The following TYW1B variants were observed in gnomAD, a reference collection of about 807,000 sequenced individuals.
TYW1B encodes the protein tRNA-yW synthesizing protein 1 homolog B.
In TYW1B, 73 loss-of-function variants were observed where a neutral mutation model predicts 86.9. That is an observed-to-expected ratio of 0.84 (90% CI 0.70 to 1.02). The LOEUF is 1.02. TYW1B is among the 50% of genes least tolerant of loss of function. The pLI is 0.00. For missense variants in TYW1B, 637 were observed against 827.4 expected (o/e 0.77, Z 2.82); for synonymous variants, 248 against 292.8 (o/e 0.85, Z 1.56).
chr7:72,606,615 C>CT (rs61510369), intron 13 of TYW1B, among the ~76,000 whole-genome samples: 2 of 148,972 alleles, frequency 1.3e-5, no homozygotes, highest in Non-Finnish European at 3.0e-5. Flanking sequence ...AGGCCCCCCC[C>CT]CCGCCTCCAT....
intron 11 of TYW1B, among the ~76,000 whole-genome samples, chr7:72,646,041 A>C (rs1271698352): frequency 6.1e-5 from 9 of 147,254 alleles, no homozygotes; most frequent in Non-Finnish European, 1.4e-4. Context: ...TCCAAATTTT[A>C]AAAGTCTTTT....
At chr7:72,790,871 C>A (rs1554473259) in intron 6 of TYW1B, among the ~76,000 whole-genome samples, 1 of 152,248 alleles carries the variant, frequency 6.6e-6, no homozygotes. Flanking sequence ...TCACCTCTCC[C>A]TTGAGGGTCT....
rs182399834 is a variant in TYW1B at position 72,752,869 on chromosome 7, G to A, written c.965-8268C>T. On this transcript the variant is annotated intron_variant, in intron 7 of 13. Coordinates refer to ENST00000620995, the MANE Select transcript of TYW1B (RefSeq NM_001145440.3). ...ATTTAAAAATAAGACACAGGAATCC[G>A]CTGAAAAATGTCCCACCAGCCAAAG... Among the ~76,000 whole-genome samples the A allele has an allele frequency of 2.2e-3, 339 of 152,128 alleles. 1 individual carries two copies. Among genetic ancestry groups the A allele is most frequent in the African/African-American group, 7.8e-3 (323 of 41,510 alleles).
intron 11 of TYW1B, among the ~76,000 whole-genome samples, chr7:72,644,366 G>A (rs1311036892): frequency 1.3e-5 from 2 of 152,070 alleles, no homozygotes; most frequent in African/African-American, 2.4e-5. Context: ...TGGCCAAGAT[G>A]GTGAAGCCCT....
At position 72,615,768 on chromosome 7, in the gene TYW1B, A is replaced by T. The variant is rs535423895; in HGVS notation, c.1785+904T>A. Among the ~76,000 whole-genome samples the T allele has an allele frequency of 7.2e-5, 11 of 152,306 alleles. No homozygotes were observed. In the East Asian group the frequency reaches 2.1e-3, roughly 29 times the overall value. On this transcript the variant is annotated intron_variant, in intron 13 of 13. Coordinates refer to ENST00000620995, the MANE Select transcript of TYW1B (RefSeq NM_001145440.3). ...AGCATTTTTGAAATAAACCAAGCAG[A>T]AATTATACAATTAAAAAAACATAAA...
At chr7:72,644,877 G>C (rs1351421934) in intron 11 of TYW1B, among the ~76,000 whole-genome samples, 1 of 148,472 alleles carries the variant, frequency 6.7e-6, no homozygotes, top group South Asian at 2.1e-4. Context: ...ACCCAGGCTG[G>C]AGTGCAGTGC....
Position 72,728,920 on chromosome 7 carries a change from T to A in TYW1B, c.1094A>T (p.Asn365Ile), listed in dbSNP as rs1585935577. ...KCVFCWWHHN[N>I]PVGTEWLWKM... ...CCACAACCATTCAGTGCCCACAGGGTTGTTGTGGTGCCTAGGAACAAGACG... is the reference window on the plus strand; with the variant it reads ...CCACAACCATTCAGTGCCCACAGGGATGTTGTGGTGCCTAGGAACAAGACG... Residue 365 changes from asparagine (N) to isoleucine (I), a missense_variant, in exon 9 of 14, where the codon AAC becomes ATC. Coordinates refer to ENST00000620995, the MANE Select transcript of TYW1B (RefSeq NM_001145440.3). 6.2e-7 allele frequency: 1 copy of A among 1,613,834 alleles called. No individual in the cohort carries two copies. Among genetic ancestry groups the A allele is most frequent in the African/African-American group, 1.3e-5 (1 of 75,046 alleles).
chr7:72,700,155 C>CTTTTTTTTTTTTTTTT (rs587689485), intron 10 of TYW1B, among the ~76,000 whole-genome samples: 4 of 74,248 alleles, frequency 5.4e-5, no homozygotes, highest in Non-Finnish European at 8.9e-5. Context: ...AGCTTTTACA[C>CTTTTTTTTTTTTTTTT]TTTTTTTTTT....
chr7:72,577,842 G>A (rs190163384), intron 13 of TYW1B, among the ~76,000 whole-genome samples: 103 of 152,278 alleles, frequency 6.8e-4, no homozygotes, highest in Admixed American at 5.3e-3. Flanking sequence ...TGTTCCCTCT[G>A]TCTAACTCAC....
At chr7:72,602,382 G>C (rs1415773704) in intron 13 of TYW1B, among the ~76,000 whole-genome samples, 3 of 152,168 alleles carry the variant, frequency 2.0e-5, no homozygotes, top group South Asian at 4.1e-4. Context: ...ATGATCCATC[G>C]GGGGATGGAT....
At chr7:72,818,671 A>C (rs773406673) in intron 2 of TYW1B, among the ~76,000 whole-genome samples, 3 of 151,798 alleles carry the variant, frequency 2.0e-5, no homozygotes, top group Non-Finnish European at 2.9e-5. Flanking sequence ...ACAGTTCTGC[A>C]GACTGTACAG....
intron 12 of TYW1B, among the ~76,000 whole-genome samples, chr7:72,620,923 T>C (rs1812198246): frequency 6.6e-6 from 1 of 152,300 alleles, no homozygotes; most frequent in South Asian, 2.1e-4. Context: ...AGAATGTTCG[T>C]GAAGAACAGG....
Position 72,676,140 on chromosome 7 carries a change from C to T in TYW1B, c.1506+18547G>A, listed in dbSNP as rs566516736. On this transcript the variant is annotated intron_variant, in intron 11 of 13. Coordinates refer to ENST00000620995, the MANE Select transcript of TYW1B (RefSeq NM_001145440.3). Reference sequence around the variant, plus strand: ...TGGCTGGTATTCAGGTTCCCAGAAACGATCACCTCCACTTTGGGCTATGTC... The same window carrying T: ...TGGCTGGTATTCAGGTTCCCAGAAATGATCACCTCCACTTTGGGCTATGTC... 5.3e-5 allele frequency among the ~76,000 whole-genome samples: 8 copies of T among 152,230 alleles called. No homozygotes were observed. In the South Asian group the frequency reaches 1.5e-3, roughly 28 times the overall value.
chr7:72,663,402 C>T (rs188765626), intron 11 of TYW1B, among the ~76,000 whole-genome samples: 47 of 152,058 alleles, frequency 3.1e-4, no homozygotes, highest in South Asian at 1.0e-3. Context: ...TCTTGGAGTG[C>T]CCCCTCCCCC....
intron 7 of TYW1B, among the ~76,000 whole-genome samples, chr7:72,770,729 A>G (rs1320271777): frequency 6.6e-6 from 1 of 152,150 alleles, no homozygotes; most frequent in East Asian, 1.9e-4. Context: ...TGCACATAGT[A>G]CTTTTTTTCA....
chr7:72,807,066 CT>C lies in TYW1B; in HGVS notation c.722del (p.Lys241ArgfsTer22). 1 of 1,613,440 alleles carries C rather than the reference CT, an allele frequency of 6.2e-7. No individual in the cohort carries two copies. The highest frequency in any genetic ancestry group is 1.1e-5 in the South Asian group (1 of 90,998). On this transcript the variant is annotated frameshift_variant and splice_region_variant, in exon 5 of 14. Transcript: ENST00000620995. LOFTEE classifies it high-confidence loss of function. Reference protein sequence around the residue: ...EQDELHHRDTKEEEPFESSSE... With the variant: ...EQDELHHRDTXEEEPFESSSE... The stretch of plus-strand genomic sequence containing the variant: ...AGAGATGAACACACAGGCGGTATAC[CT>C]TGGTGTCTCTGTGATGCAATTCGTC...
chr7:72,795,447 G>A (rs1199253389), intron 6 of TYW1B, among the ~76,000 whole-genome samples: 1 of 151,890 alleles, frequency 6.6e-6, no homozygotes, highest in Non-Finnish European at 1.5e-5. Flanking sequence ...AAGGCTTGTG[G>A]CAAATACTGG....
At chr7:72,754,520 T>C (rs1224179680) in intron 7 of TYW1B, among the ~76,000 whole-genome samples, 1 of 152,098 alleles carries the variant, frequency 6.6e-6, no homozygotes, top group Non-Finnish European at 1.5e-5. Flanking sequence ...CACTGCTACC[T>C]CTGTCTCCCA....
chr7:72,781,000 TC>T (rs1788041013), intron 6 of TYW1B, among the ~76,000 whole-genome samples: 1 of 151,794 alleles, frequency 6.6e-6, no homozygotes, highest in Non-Finnish European at 1.5e-5. Context: ...ATAAATAAGA[TC>T]CCAGAATCAG....
Sources: gnomAD v4.1 joint callset for allele counts (sites outside exome capture counted in the v4.1 genomes callset) on GRCh38, gnomAD v4.1.1 for gene constraint, MANE v1.5 for transcripts, NCBI Gene and HGNC (gene_info 2026-07-23, HGNC 2026-07-21) for gene names.